The following SMYD3 variants were observed in gnomAD, a reference collection of about 807,000 sequenced individuals.
SMYD3 encodes the protein histone-lysine N-methyltransferase SMYD3.
SMYD3 carries 36 observed loss-of-function variants against 57.7 expected under a neutral mutation model. The ratio of observed to expected loss-of-function variants is 0.62; its 90% confidence interval spans 0.48 to 0.82. SMYD3 has a LOEUF of 0.82. SMYD3 is among the 40% of genes least tolerant of loss of function. The pLI is 0.00. For missense variants in SMYD3, 515 were observed against 538.8 expected (o/e 0.96, Z 0.44); for synonymous variants, 211 against 195.0 (o/e 1.08, Z -0.68).
chr1:245,960,644 T>C (rs1262762461), intron 5 of SMYD3, among the ~76,000 whole-genome samples: 2 of 152,102 alleles, frequency 1.3e-5, no homozygotes, highest in Non-Finnish European at 2.9e-5. Flanking sequence ...GGAGGATCAC[T>C]TGAGCCTGGG....
intron 5 of SMYD3, among the ~76,000 whole-genome samples, chr1:246,165,457 T>A (rs985158060): frequency 6.6e-6 from 1 of 152,030 alleles, no homozygotes; most frequent in Non-Finnish European, 1.5e-5. Flanking sequence ...GTCCATCAAA[T>A]AATAAAAGAG....
At chr1:246,353,713 G>A (rs2065868584) in intron 2 of SMYD3, among the ~76,000 whole-genome samples, 1 of 152,188 alleles carries the variant, frequency 6.6e-6, no homozygotes, top group Non-Finnish European at 1.5e-5. Flanking sequence ...CAAGTTGGCT[G>A]TCTCTCTGTC....
intron 5 of SMYD3, among the ~76,000 whole-genome samples, chr1:246,196,378 T>C (rs1329563155): frequency 6.6e-6 from 1 of 152,218 alleles, no homozygotes; most frequent in African/African-American, 2.4e-5. Context: ...TGCTGACGTA[T>C]TTGCATTTCT....
intron 7 of SMYD3, among the ~76,000 whole-genome samples, chr1:245,920,982 T>A (rs566996036): frequency 6.6e-6 from 1 of 152,252 alleles, no homozygotes; most frequent in African/African-American, 2.4e-5. Context: ...AGAGAAACTA[T>A]CAACAAAGTA....
At chr1:246,064,672 G>A (rs2060310568) in intron 5 of SMYD3, among the ~76,000 whole-genome samples, 1 of 152,176 alleles carries the variant, frequency 6.6e-6, no homozygotes. Context: ...GTCTAGCATG[G>A]TCACTGACAA....
intron 5 of SMYD3, among the ~76,000 whole-genome samples, chr1:245,994,350 T>C (rs2058879671): frequency 6.6e-6 from 1 of 152,126 alleles, no homozygotes; most frequent in Admixed American, 6.5e-5. Context: ...CCCGACAAAA[T>C]GAAAGCGAAG....
chr1:246,138,584 C>T (rs111943577), intron 5 of SMYD3, among the ~76,000 whole-genome samples: 4 of 116,080 alleles, frequency 3.4e-5, no homozygotes, highest in Admixed American at 9.1e-5. Flanking sequence ...CGCCACCACG[C>T]CCGGCTAATT....
At chr1:245,816,965 G>A (rs1207868886) in intron 10 of SMYD3, among the ~76,000 whole-genome samples, 4 of 151,398 alleles carry the variant, frequency 2.6e-5, no homozygotes, top group Non-Finnish European at 4.4e-5. Context: ...CAGCGAGGCT[G>A]GGGGAGGGGC....
chr1:246,133,889 C>G lies in SMYD3; in HGVS notation c.531+193312G>C, dbSNP rs915286394. Among the ~76,000 whole-genome samples the G allele has an allele frequency of 6.6e-5, 10 of 152,120 alleles. No individual in the cohort carries two copies. The South Asian group carries it at 2.1e-3, about 32-fold the overall frequency. ...ACTATTTATATAATTAAAATTATAC[C>G]CTAACATTTCATTTTAGAACTCCAT... On this transcript the variant is annotated intron_variant, in intron 5 of 11. Coordinates refer to ENST00000490107, the MANE Select transcript of SMYD3 (RefSeq NM_001167740.2).
intron 4 of SMYD3, among the ~76,000 whole-genome samples, chr1:246,328,263 AAAG>A (rs1484746901): frequency 5.3e-5 from 8 of 152,208 alleles, no homozygotes; most frequent in Admixed American, 2.0e-4. Flanking sequence ...TTCTAAAACA[AAAG>A]AAGAAGAAAA....
intron 1 of SMYD3, among the ~76,000 whole-genome samples, chr1:246,501,544 T>C (rs1219097575): frequency 1.3e-5 from 2 of 152,196 alleles, no homozygotes; most frequent in Non-Finnish European, 2.9e-5. Flanking sequence ...TCTGACCACA[T>C]GAGGACCTCT....
chr1:246,160,844 C>A (rs1237526784), intron 5 of SMYD3, among the ~76,000 whole-genome samples: 1 of 152,140 alleles, frequency 6.6e-6, no homozygotes, highest in Admixed American at 6.6e-5. Flanking sequence ...CAGGATAAAC[C>A]ATTATTTTCA....
chr1:246,070,627 C>G lies in SMYD3; in HGVS notation c.532-140690G>C, dbSNP rs537202257. Among the ~76,000 whole-genome samples the G allele has an allele frequency of 2.6e-5, 4 of 152,294 alleles. No homozygotes were observed. In the East Asian group the frequency reaches 7.7e-4, roughly 29 times the overall value. ...AGAGGTGAAGCACCGACCTGAGGATCTGTCAGAACCCTGATCAAAAAGCAA... is the reference window on the plus strand; with the variant it reads ...AGAGGTGAAGCACCGACCTGAGGATGTGTCAGAACCCTGATCAAAAAGCAA... On this transcript the variant is annotated intron_variant, in intron 5 of 11. Transcript: ENST00000490107.
intron 2 of SMYD3, among the ~76,000 whole-genome samples, chr1:246,346,959 G>A (rs1347916863): frequency 6.6e-6 from 1 of 152,068 alleles, no homozygotes; most frequent in African/African-American, 2.4e-5. Flanking sequence ...ACAGACAGGG[G>A]ATATAGGCAT....
At chr1:245,812,629 G>C (rs971897985) in intron 10 of SMYD3, among the ~76,000 whole-genome samples, 2 of 147,140 alleles carry the variant, frequency 1.4e-5, no homozygotes. Context: ...GGTCAGAGTA[G>C]CCCAAGAGAG....
chr1:245,901,850 A>G (rs1017806274), intron 8 of SMYD3, among the ~76,000 whole-genome samples: 1 of 152,132 alleles, frequency 6.6e-6, no homozygotes, highest in African/African-American at 2.4e-5. Flanking sequence ...AGAAATCTCC[A>G]GTTGTCCACA....
chr1:245,996,638 A>G (rs2058936799), intron 5 of SMYD3, among the ~76,000 whole-genome samples: 2 of 152,222 alleles, frequency 1.3e-5, no homozygotes, highest in South Asian at 2.1e-4. Flanking sequence ...TACTGCCTCT[A>G]ACTTCACCTA....
chr1:246,176,014 A>C (rs955405279), intron 5 of SMYD3, among the ~76,000 whole-genome samples: 4 of 152,188 alleles, frequency 2.6e-5, no homozygotes. Flanking sequence ...TTTAGAAGAG[A>C]TATTTATTCA....
intron 1 of SMYD3, among the ~76,000 whole-genome samples, chr1:246,419,027 G>A (rs902601263): frequency 4.0e-5 from 6 of 151,732 alleles, no homozygotes; most frequent in East Asian, 1.9e-4. Context: ...CCCCCTCCCC[G>A]CCCTTGCGAT....
Sources: allele counts gnomAD v4.1 joint callset (sites outside exome capture counted in the v4.1 genomes callset), GRCh38; gene constraint gnomAD v4.1.1; transcripts MANE v1.5; gene names NCBI Gene and HGNC (gene_info 2026-07-23, HGNC 2026-07-21).